DPYD: variants seen among roughly 807,000 people sequenced by gnomAD.
The protein encoded by DPYD is dihydropyrimidine dehydrogenase [NADP(+)].
DPYD carries 109 observed loss-of-function variants against 116.2 expected under a neutral mutation model. The ratio of observed to expected loss-of-function variants is 0.94; its 90% CI spans 0.80 to 1.10. The LOEUF (loss-of-function observed/expected upper bound fraction) is 1.10, where lower values mean the gene tolerates loss of function less well. DPYD is among the 50% of genes least tolerant of loss of function. The pLI, the probability that DPYD is intolerant of heterozygous loss-of-function variation, is 0.00. For synonymous variants in DPYD, 440 were observed against 432.0 expected (o/e 1.02, Z -0.23); for missense variants, 1,302 against 1,254.5 (o/e 1.04, Z -0.57).
At chr1:97,792,492 T>G (rs1557965549) in intron 3 of DPYD, among the ~76,000 whole-genome samples, 1 of 152,062 alleles carries the variant, frequency 6.6e-6, no homozygotes, top group Non-Finnish European at 1.5e-5. Context: ...TCAGGTGATC[T>G]GTCCACCTCA....
At chr1:97,859,419 G>A (rs976283215) in intron 2 of DPYD, among the ~76,000 whole-genome samples, 3 of 152,168 alleles carry the variant, frequency 2.0e-5, no homozygotes, top group Non-Finnish European at 4.4e-5. Context: ...GGGAACATGG[G>A]CTGTACAGGG....
At chr1:97,907,335 A>T (rs1673688254) in intron 1 of DPYD, among the ~76,000 whole-genome samples, 1 of 152,118 alleles carries the variant, frequency 6.6e-6, no homozygotes, top group African/African-American at 2.4e-5. Flanking sequence ...TTTTCCCTTC[A>T]TATAAGGACT....
At chr1:97,390,581 G>T (rs993188060) in intron 14 of DPYD, among the ~76,000 whole-genome samples, 1 of 151,656 alleles carries the variant, frequency 6.6e-6, no homozygotes, top group Non-Finnish European at 1.5e-5. Flanking sequence ...TTTGTTCATT[G>T]CTTACTTAAT....
At chr1:97,693,290 CAAAAAAAAAAAAAAA>C (rs201872835) in intron 6 of DPYD, among the ~76,000 whole-genome samples, 3 of 41,844 alleles carry the variant, frequency 7.2e-5, no homozygotes, top group South Asian at 9.2e-4. Context: ...GACTCCGTCT[CAAAAAAAAAAAAAAA>C]AAAAAAAAAA....
chr1:97,500,300 T>C lies in DPYD; in HGVS notation c.1740+15426A>G, dbSNP rs369743367. 2.2e-4 allele frequency among the ~76,000 whole-genome samples: 34 copies of C among 152,126 alleles called. No homozygotes were observed. The South Asian group carries it at 6.8e-3, about 31-fold the overall frequency. Reference sequence around the variant, plus strand: ...AAACTACAGGCAAAATCCAGTTGCATGACAAAACTGCATAAACAGTAAAAT... The same window carrying C: ...AAACTACAGGCAAAATCCAGTTGCACGACAAAACTGCATAAACAGTAAAAT... On this transcript the variant is annotated intron_variant, in intron 13 of 22. Coordinates refer to ENST00000370192, the MANE Select transcript of DPYD (RefSeq NM_000110.4).
intron 14 of DPYD, among the ~76,000 whole-genome samples, chr1:97,412,668 T>C (rs1015661696): frequency 6.6e-6 from 1 of 152,222 alleles, no homozygotes; most frequent in Non-Finnish European, 1.5e-5. Flanking sequence ...ACTACAGTTT[T>C]GGGTCATTAA....
intron 12 of DPYD, among the ~76,000 whole-genome samples, chr1:97,529,892 C>T (rs2102019216): frequency 6.7e-6 from 1 of 148,772 alleles, no homozygotes; most frequent in African/African-American, 2.5e-5. Context: ...CCTTCTTTCT[C>T]CTTCCTCCCT....
chr1:97,150,850 T>C (rs1056872629), intron 20 of DPYD, among the ~76,000 whole-genome samples: 1 of 152,188 alleles, frequency 6.6e-6, no homozygotes, highest in African/African-American at 2.4e-5. Context: ...TACACACAAA[T>C]AGAATATATT....
chr1:97,270,207 G>A (rs955914283), intron 18 of DPYD, among the ~76,000 whole-genome samples: 2 of 152,128 alleles, frequency 1.3e-5, no homozygotes, highest in Non-Finnish European at 1.5e-5. Context: ...TTCCCATTAG[G>A]AGTCTAAATT....
At chr1:97,381,100 T>C (rs923615301) in intron 15 of DPYD, among the ~76,000 whole-genome samples, 37 of 152,330 alleles carry the variant, frequency 2.4e-4, no homozygotes, top group African/African-American at 8.4e-4. Flanking sequence ...ACTGTTTTGA[T>C]TGAACAAAAG....
At chr1:97,620,599 C>T (rs1656577132) in intron 8 of DPYD, among the ~76,000 whole-genome samples, 1 of 152,074 alleles carries the variant, frequency 6.6e-6, no homozygotes, top group South Asian at 2.1e-4. Flanking sequence ...ACATAGTTGG[C>T]CAAAATTTAT....
chr1:97,402,796 T>C (rs1418122449), intron 14 of DPYD, among the ~76,000 whole-genome samples: 2 of 152,028 alleles, frequency 1.3e-5, no homozygotes, highest in Admixed American at 6.6e-5. Context: ...GTATTGTTAG[T>C]TTACTGAGAG....
Position 97,755,678 on chromosome 1 carries a change from G to A in DPYD, c.234-15199C>T, listed in dbSNP as rs753225239. Reference sequence around the variant, plus strand: ...ACACAATATCATAAAAGGCAGTATGGTTTAATGGATTCTGGATTTAAATCC... The same window carrying A: ...ACACAATATCATAAAAGGCAGTATGATTTAATGGATTCTGGATTTAAATCC... On this transcript the variant is annotated intron_variant, in intron 3 of 22. Transcript: ENST00000370192. Among the ~76,000 whole-genome samples, 56 of 152,240 alleles carry A rather than the reference G, an allele frequency of 3.7e-4. 1 individual carries two copies. Among genetic ancestry groups the A allele is most frequent in the Non-Finnish European group, 6.6e-4 (45 of 68,026 alleles).
At chr1:97,118,675 G>T (rs1388716073) in intron 20 of DPYD, among the ~76,000 whole-genome samples, 2 of 152,042 alleles carry the variant, frequency 1.3e-5, no homozygotes, top group Non-Finnish European at 2.9e-5. Context: ...TATTTTTTCT[G>T]CCAGATTCAA....
chr1:97,845,032 G>GT (rs1198758193), intron 2 of DPYD, among the ~76,000 whole-genome samples: 1 of 152,200 alleles, frequency 6.6e-6, no homozygotes, highest in Non-Finnish European at 1.5e-5. Flanking sequence ...GTGGAAAGCA[G>GT]GGGGTGCTGA....
chr1:97,121,745 G>A (rs1652446947), intron 20 of DPYD, among the ~76,000 whole-genome samples: 1 of 152,170 alleles, frequency 6.6e-6, no homozygotes, highest in South Asian at 2.1e-4. Flanking sequence ...CTTATAAACA[G>A]AGTCAGATCC....
intron 4 of DPYD, among the ~76,000 whole-genome samples, chr1:97,727,271 T>C (rs1663319508): frequency 6.6e-6 from 1 of 151,706 alleles, no homozygotes; most frequent in South Asian, 2.1e-4. Flanking sequence ...TCTTGATTGA[T>C]ATGAGTAAAT....
chr1:97,882,362 C>A (rs753882773), intron 2 of DPYD, among the ~76,000 whole-genome samples: 13 of 151,882 alleles, frequency 8.6e-5, no homozygotes, highest in Non-Finnish European at 1.6e-4. Context: ...TAAATACAAG[C>A]ACACATGAGC....
At chr1:97,089,018 A>T (rs1369059253) in intron 21 of DPYD, among the ~76,000 whole-genome samples, 1 of 151,898 alleles carries the variant, frequency 6.6e-6, no homozygotes, top group Non-Finnish European at 1.5e-5. Flanking sequence ...TTATCTGAGT[A>T]CTCTTCTCTT....
Sources: allele counts gnomAD v4.1 joint callset (sites outside exome capture counted in the v4.1 genomes callset), GRCh38; gene constraint gnomAD v4.1.1; transcripts MANE v1.5; gene names NCBI Gene and HGNC (gene_info 2026-07-23, HGNC 2026-07-21).